The following EXOC6B variants were observed in gnomAD, a reference collection of about 807,000 sequenced individuals.
The protein encoded by EXOC6B is SEC15 homolog B.
In EXOC6B, 54 loss-of-function variants were observed where a neutral mutation model predicts 113.5. The observed-to-expected ratio is 0.48, with a 90% CI of 0.38 to 0.60. EXOC6B has a LOEUF of 0.60. EXOC6B is among the 20% of genes least tolerant of loss of function. The pLI is 0.00. For missense variants in EXOC6B, 797 were observed against 977.5 expected, an observed-to-expected ratio of 0.82 and a Z score of 2.46; for synonymous variants, 357 against 339.0, an observed-to-expected ratio of 1.05 and a Z score of -0.58.
rs137895842 is a variant in EXOC6B at position 72,761,566 on chromosome 2, A to C, written c.114-20097T>G. 5.0e-3 allele frequency among the ~76,000 whole-genome samples: 761 copies of C among 152,266 alleles called. 9 individuals carry two copies. The highest frequency in any genetic ancestry group is 0.028 in the Admixed American group (426 of 15,290). The stretch of plus-strand genomic sequence containing the variant: ...TAGATCAAACTAAAATAGACTTTTA[A>C]AGGGCAAGATAAATTTGACTATTAA... On this transcript the variant is annotated intron_variant, in intron 1 of 21. Coordinates refer to ENST00000272427, the MANE Select transcript of EXOC6B (RefSeq NM_015189.3).
At chr2:72,319,085 A>G (rs1434422943) in intron 20 of EXOC6B, among the ~76,000 whole-genome samples, 1 of 151,970 alleles carries the variant, frequency 6.6e-6, no homozygotes, top group Non-Finnish European at 1.5e-5. Flanking sequence ...GGAGTAATTC[A>G]GATTAAAAGG....
At chr2:72,487,114 A>G (rs1405413399) in intron 16 of EXOC6B, among the ~76,000 whole-genome samples, 1 of 152,176 alleles carries the variant, frequency 6.6e-6, no homozygotes, top group Non-Finnish European at 1.5e-5. Flanking sequence ...TATTGTTAAC[A>G]TCTTACATTA....
intron 6 of EXOC6B, among the ~76,000 whole-genome samples, chr2:72,689,111 A>G (rs1677300858): frequency 6.6e-6 from 1 of 152,204 alleles, no homozygotes; most frequent in Non-Finnish European, 1.5e-5. Context: ...AATTATGTCA[A>G]TTCTCTGCTA....
At chr2:72,814,482 T>A (rs1452192772) in intron 1 of EXOC6B, among the ~76,000 whole-genome samples, 1 of 152,232 alleles carries the variant, frequency 6.6e-6, no homozygotes, top group East Asian at 1.9e-4. Flanking sequence ...GTAGGTGTTT[T>A]AACAGAGTCC....
chr2:72,728,487 A>C (rs954413500), intron 5 of EXOC6B, among the ~76,000 whole-genome samples: 3 of 152,222 alleles, frequency 2.0e-5, no homozygotes, highest in African/African-American at 7.2e-5. Flanking sequence ...AGTATCAGTA[A>C]GGATAGTTAT....
chr2:72,771,319 G>C (rs1350641463), intron 1 of EXOC6B, among the ~76,000 whole-genome samples: 1 of 151,872 alleles, frequency 6.6e-6, no homozygotes, highest in Non-Finnish European at 1.5e-5. Context: ...ACTAATTTTT[G>C]CCATATTTGT....
chr2:72,317,462 C>G (rs753217679), intron 20 of EXOC6B, among the ~76,000 whole-genome samples: 19 of 151,750 alleles, frequency 1.3e-4, no homozygotes, highest in Non-Finnish European at 2.5e-4. Context: ...AGAAAACCAC[C>G]TTGTCCCATT....
At chr2:72,403,205 A>G (rs1167154014) in intron 18 of EXOC6B, among the ~76,000 whole-genome samples, 1 of 152,194 alleles carries the variant, frequency 6.6e-6, no homozygotes, top group Non-Finnish European at 1.5e-5. Context: ...TAGACAGTCT[A>G]TTGTATGTCT....
Position 72,334,997 on chromosome 2 carries a change from G to A in EXOC6B, c.2146C>T (p.Pro716Ser), listed in dbSNP as rs775212969. 23 of 1,613,198 alleles carry A rather than the reference G, an allele frequency of 1.4e-5. No homozygotes were observed. The South Asian group carries it at 1.6e-4, about 12-fold the overall frequency. ...CEQFARSGPV[P>S]GFQEDTLQLA... Reference sequence around the variant, plus strand: ...TGCAGCGTGTCCTCCTGGAACCCAGGCACCGGGCCGGATCTGGCAAACTCT... The same window carrying A: ...TGCAGCGTGTCCTCCTGGAACCCAGACACCGGGCCGGATCTGGCAAACTCT... The change falls in exon 20 of 22, where the codon CCT becomes TCT. Residue 716 changes from proline (P) to serine (S), a missense_variant. Physicochemically the swap from Pro to Ser is moderately conservative, Grantham distance 74 (BLOSUM62 -1). Transcript: ENST00000272427.
chr2:72,770,823 G>A (rs1472071055), intron 1 of EXOC6B, among the ~76,000 whole-genome samples: 1 of 152,020 alleles, frequency 6.6e-6, no homozygotes, highest in Non-Finnish European at 1.5e-5. Flanking sequence ...TTCAGAGAGA[G>A]ACAGAGAGAA....
intron 6 of EXOC6B, among the ~76,000 whole-genome samples, chr2:72,643,924 G>C (rs1673475442): frequency 6.6e-6 from 1 of 152,032 alleles, no homozygotes; most frequent in Non-Finnish European, 1.5e-5. Context: ...GCCAGCAACA[G>C]AACAAAGCTG....
intron 7 of EXOC6B, among the ~76,000 whole-genome samples, chr2:72,574,312 C>G (rs1428825699): frequency 2.0e-5 from 3 of 152,036 alleles, no homozygotes; most frequent in African/African-American, 7.2e-5. Context: ...AGATACATAA[C>G]AGAAGTCAGC....
chr2:72,266,491 G>A (rs1317029196), intron 20 of EXOC6B, among the ~76,000 whole-genome samples: 4 of 151,828 alleles, frequency 2.6e-5, no homozygotes, highest in Admixed American at 6.6e-5. Flanking sequence ...AGTTTTCCCA[G>A]CACCATTTGT....
intron 20 of EXOC6B, among the ~76,000 whole-genome samples, chr2:72,248,836 A>T (rs1682830390): frequency 6.6e-6 from 1 of 152,246 alleles, no homozygotes; most frequent in Non-Finnish European, 1.5e-5. Context: ...AATAGGAAAG[A>T]AAAACAGATG....
intron 6 of EXOC6B, among the ~76,000 whole-genome samples, chr2:72,611,270 A>G (rs567360930): frequency 6.6e-6 from 1 of 152,190 alleles, no homozygotes; most frequent in South Asian, 2.1e-4. Flanking sequence ...AGGCTGAGGC[A>G]CGAGAATCAC....
chr2:72,447,638 T>C (rs1431245139), intron 18 of EXOC6B, among the ~76,000 whole-genome samples: 1 of 152,200 alleles, frequency 6.6e-6, no homozygotes. Context: ...AAAATGTATT[T>C]CTATTAATAA....
rs1470082723 is a variant in EXOC6B at position 72,401,651 on chromosome 2, A to G, written c.1981-21781T>C. Among the ~76,000 whole-genome samples, 11 of 74,138 alleles carry G rather than the reference A, an allele frequency of 1.5e-4. 1 individual carries two copies. Among genetic ancestry groups the G allele is most frequent in the East Asian group, 2.8e-4 (1 of 3,588 alleles). The allele number at this position is 74,138 out of a possible 152,430, so 48.6% of individuals were successfully genotyped here. On this transcript the variant is annotated intron_variant, in intron 18 of 21. Transcript: ENST00000272427. The stretch of plus-strand genomic sequence containing the variant: ...TATATATATATACATATATACATAT[A>G]TATATATATATATATGTATATATAT...
At chr2:72,664,943 GT>G (rs1007723495) in intron 6 of EXOC6B, among the ~76,000 whole-genome samples, 101 of 152,368 alleles carry the variant, frequency 6.6e-4, no homozygotes, top group African/African-American at 2.4e-3. Flanking sequence ...ACACTCCAGA[GT>G]TGCAGCATGC....
At chr2:72,683,312 A>G (rs1443539030) in intron 6 of EXOC6B, among the ~76,000 whole-genome samples, 2 of 152,188 alleles carry the variant, frequency 1.3e-5, no homozygotes, top group Non-Finnish European at 1.5e-5. Context: ...TTAAAAAAAA[A>G]AGAGAAAGAA....
Sources: gnomAD v4.1 joint callset for allele counts (sites outside exome capture counted in the v4.1 genomes callset) on GRCh38, gnomAD v4.1.1 for gene constraint, MANE v1.5 for transcripts, NCBI Gene and HGNC (gene_info 2026-07-23, HGNC 2026-07-21) for gene names.